The following DMD variants were observed in gnomAD, a reference collection of about 807,000 sequenced individuals.
DMD encodes the protein dystrophin, also known as mutant dystrophin.
DMD carries 63 observed loss-of-function variants against 330.1 expected under a neutral mutation model. That is an observed-to-expected ratio of 0.19 (90% CI 0.16 to 0.24). DMD has a LOEUF of 0.24. Ranked by LOEUF, DMD falls within the 10% of genes least tolerant of loss-of-function variation. The pLI, the probability that DMD is intolerant of heterozygous loss-of-function variation, is 1.00. For missense variants in DMD, 3,344 were observed against 2,684.1 expected, an observed-to-expected ratio of 1.25 and a Z score of -5.43; for synonymous variants, 1,223 against 959.8, an observed-to-expected ratio of 1.27 and a Z score of -5.07.
chrX:33,261,018 C>T (rs964785547), intron 1 of DMD, among the ~76,000 whole-genome samples: 1 of 111,383 alleles, frequency 9.0e-6, no homozygotes, highest in African/African-American at 3.3e-5. Flanking sequence ...AATATAGATA[C>T]ATAAAAACAA....
At chrX:32,639,161 G>C (rs1459510900) in intron 11 of DMD, among the ~76,000 whole-genome samples, 2 of 111,907 alleles carry the variant, frequency 1.8e-5, no homozygotes, top group Non-Finnish European at 1.9e-5. Flanking sequence ...GATGGAACTT[G>C]CTGTGCTTAA....
rs886593231 is a variant in DMD, at chrX:31,927,043, T to C, written c.6912+2553A>G. 3.5e-4 allele frequency among the ~76,000 whole-genome samples: 39 copies of C among 111,945 alleles called. 1 individual carries two copies. In the Admixed American group the frequency reaches 3.6e-3, roughly 10 times the overall value. On this transcript the variant is annotated intron_variant, in intron 47 of 78. Coordinates refer to ENST00000357033, the MANE Select transcript of DMD (RefSeq NM_004006.3). ...CATTTTCTTTTACTTTTAAAAAAACTTGTGTTATTTACCTAAATCTGGTAC... is the reference window on the plus strand; with the variant it reads ...CATTTTCTTTTACTTTTAAAAAAACCTGTGTTATTTACCTAAATCTGGTAC...
At chrX:31,195,689 AAATGGAAGGAAG>A (rs1318948731) in intron 67 of DMD, among the ~76,000 whole-genome samples, 1 of 108,121 alleles carries the variant, frequency 9.2e-6, no homozygotes, top group Non-Finnish European at 1.9e-5. Context: ...GGGGTGATAG[AAATGGAAGGAAG>A]AAAGGAAGGA....
intron 32 of DMD, among the ~76,000 whole-genome samples, chrX:32,388,772 A>G (rs916466077): frequency 3.6e-5 from 4 of 110,714 alleles, no homozygotes; most frequent in Non-Finnish European, 7.6e-5. Flanking sequence ...CCGATAGTAC[A>G]TGTAGAGTTA....
chrX:31,877,018 T>C (rs1222210074), intron 47 of DMD, among the ~76,000 whole-genome samples: 1 of 111,891 alleles, frequency 8.9e-6, no homozygotes, highest in Non-Finnish European at 1.9e-5. Context: ...TTTGGAACAA[T>C]TGTTTTAGAT....
At chrX:31,829,023 T>C (rs1177819747) in intron 49 of DMD, among the ~76,000 whole-genome samples, 1 of 112,076 alleles carries the variant, frequency 8.9e-6, no homozygotes, top group Non-Finnish European at 1.9e-5. Flanking sequence ...AAATGTGGTA[T>C]CTATATACCA....
chrX:32,396,042 C>A (rs1377686828), intron 30 of DMD, among the ~76,000 whole-genome samples: 1 of 110,934 alleles, frequency 9.0e-6, no homozygotes, highest in African/African-American at 3.3e-5. Flanking sequence ...CACAGGCCTT[C>A]CTGATAAGTT....
intron 50 of DMD, among the ~76,000 whole-genome samples, chrX:31,795,747 T>C (rs1374133062): frequency 8.9e-6 from 1 of 111,985 alleles, no homozygotes; most frequent in Non-Finnish European, 1.9e-5. Context: ...TGATACTTGC[T>C]GAAATAGGAG....
At chrX:31,251,812 C>A (rs2049394822) in intron 63 of DMD, among the ~76,000 whole-genome samples, 1 of 112,445 alleles carries the variant, frequency 8.9e-6, no homozygotes, top group Non-Finnish European at 1.9e-5. Flanking sequence ...AAATCATCTT[C>A]TGCAGATCCA....
intron 1 of DMD, among the ~76,000 whole-genome samples, chrX:33,059,012 T>G (rs2094551407): frequency 8.9e-6 from 1 of 112,053 alleles, no homozygotes; most frequent in Admixed American, 9.5e-5. Context: ...TTTCTCCCAG[T>G]CCATGACTTT....
intron 16 of DMD, among the ~76,000 whole-genome samples, chrX:32,561,646 G>C (rs1442622590): frequency 9.0e-6 from 1 of 111,047 alleles, no homozygotes; most frequent in Non-Finnish European, 1.9e-5. Flanking sequence ...TCAAATTCAG[G>C]AAATACAAGA....
At chrX:32,799,895 A>T (rs766106983) in intron 7 of DMD, among the ~76,000 whole-genome samples, 4 of 111,350 alleles carry the variant, frequency 3.6e-5, no homozygotes, top group Non-Finnish European at 7.5e-5. Flanking sequence ...ACTGCTACTC[A>T]TTTTAAAAGG....
chrX:33,006,625 T>C lies in DMD; in HGVS notation c.93+13514A>G, dbSNP rs1296346620. Among the ~76,000 whole-genome samples, 3 of 111,732 alleles carry C rather than the reference T, an allele frequency of 2.7e-5. No homozygotes were observed. The East Asian group carries it at 8.5e-4, about 32-fold the overall frequency. ...AAGTTACTGCTACTGGATTTACAAGTTAACGTTCACTGGTTGTACACACTC... is the reference window on the plus strand; with the variant it reads ...AAGTTACTGCTACTGGATTTACAAGCTAACGTTCACTGGTTGTACACACTC... On this transcript the variant is annotated intron_variant, in intron 2 of 78. Coordinates refer to ENST00000357033, the MANE Select transcript of DMD (RefSeq NM_004006.3).
At chrX:31,293,680 G>A (rs1445428688) in intron 62 of DMD, among the ~76,000 whole-genome samples, 1 of 111,900 alleles carries the variant, frequency 8.9e-6, no homozygotes, top group Non-Finnish European at 1.9e-5. Flanking sequence ...CCCCATACTT[G>A]CTGCTTTTAA....
At chrX:33,052,508 A>G (rs923642604) in intron 1 of DMD, among the ~76,000 whole-genome samples, 1 of 112,006 alleles carries the variant, frequency 8.9e-6, no homozygotes, top group African/African-American at 3.2e-5. Context: ...AACTAATAAC[A>G]AAACAGGCAA....
chrX:31,214,937 C>CTTTTTTTTTTTTTTTT lies in DMD; in HGVS notation c.9362-5254_9362-5239dup, dbSNP rs761569710. Among the ~76,000 whole-genome samples, 6 of 38,098 alleles carry CTTTTTTTTTTTTTTTT rather than the reference C, an allele frequency of 1.6e-4. 1 individual carries two copies. The highest frequency in any genetic ancestry group is 2.2e-4 in the Non-Finnish European group (5 of 23,169). 33.1% of individuals were successfully genotyped at this position (38,098 alleles called of 115,157 possible). A position where few individuals can be genotyped will look rare whatever the true frequency, so the allele number is the denominator to read the frequency against. On this transcript the variant is annotated intron_variant, in intron 64 of 78. Coordinates refer to ENST00000357033, the MANE Select transcript of DMD (RefSeq NM_004006.3). ...AAAGATACTTTTTTATTTCTTTTTT[C>CTTTTTTTTTTTTTTTT]TTTTTTTTTTTTTTTTTTTTTTGAG...
intron 18 of DMD, among the ~76,000 whole-genome samples, chrX:32,503,888 A>C (rs1001444146): frequency 3.6e-5 from 4 of 111,911 alleles, no homozygotes; most frequent in Non-Finnish European, 7.5e-5. Context: ...ATTTATTTTA[A>C]AGAGTTTCCT....
chrX:31,794,711 A>G (rs1293746535), intron 50 of DMD, among the ~76,000 whole-genome samples: 2 of 107,630 alleles, frequency 1.9e-5, no homozygotes, highest in Non-Finnish European at 1.9e-5. Context: ...ATGATAAGCT[A>G]GTTCCTCTTT....
intron 7 of DMD, among the ~76,000 whole-genome samples, chrX:32,730,076 T>G (rs1449847837): frequency 8.9e-6 from 1 of 112,218 alleles, no homozygotes; most frequent in Non-Finnish European, 1.9e-5. Flanking sequence ...TTCACATTCC[T>G]AATCTCAGCA....
Sources: allele counts gnomAD v4.1 joint callset (sites outside exome capture counted in the v4.1 genomes callset), GRCh38; gene constraint gnomAD v4.1.1; transcripts MANE v1.5; gene names NCBI Gene and HGNC (gene_info 2026-07-23, HGNC 2026-07-21).